YIPF1: variants seen among roughly 807,000 people sequenced by gnomAD.
YIPF1 encodes the protein Yip1 domain family member 1.
Under a neutral mutation model 37.0 loss-of-function variants are expected in YIPF1, and 22 were observed. The ratio of observed to expected loss-of-function variants is 0.59; its 90% CI spans 0.42 to 0.85. The LOEUF (loss-of-function observed/expected upper bound fraction) is 0.85, where lower values mean the gene tolerates loss of function less well. Among genes scored for constraint, YIPF1 ranks in the 40% least tolerant of loss-of-function variants. YIPF1 has a pLI of 0.00. For synonymous variants in YIPF1, 128 were observed against 131.9 expected (o/e 0.97, Z 0.21); for missense variants, 355 against 373.1 (o/e 0.95, Z 0.40).
intron 3 of YIPF1, among the ~76,000 whole-genome samples, chr1:53,885,462 C>T (rs11586129): frequency 0.036 from 5,458 of 152,100 alleles, 158 homozygotes; most frequent in East Asian, 0.12. Context: ...GAGCCGAGAT[C>T]GCACCACTGC....
At chr1:53,856,932 T>C (rs148137637) in intron 10 of YIPF1, among the ~76,000 whole-genome samples, 123 of 152,234 alleles carry the variant, frequency 8.1e-4, no homozygotes, top group Non-Finnish European at 1.6e-3. Flanking sequence ...TAGAAGATGG[T>C]AAAGGTGATG....
intron 9 of YIPF1, among the ~76,000 whole-genome samples, chr1:53,865,255 C>T (rs2100725725): frequency 6.6e-6 from 1 of 152,178 alleles, no homozygotes; most frequent in South Asian, 2.1e-4. Flanking sequence ...AGAAAATCAG[C>T]AAAGACATCC....
intron 9 of YIPF1, among the ~76,000 whole-genome samples, chr1:53,865,405 A>G (rs1395104098): frequency 6.6e-6 from 1 of 152,208 alleles, no homozygotes; most frequent in Admixed American, 6.5e-5. Flanking sequence ...CCAATATGAC[A>G]ATAAAAATAA....
chr1:53,871,597 A>T, intron 6 of YIPF1, 109 bp from the exon 7 acceptor site: 2 of 936,682 alleles, frequency 2.1e-6, no homozygotes, highest in Non-Finnish European at 3.2e-6. Flanking sequence ...AAAGAAAATG[A>T]ATTTTCTAGA....
At chr1:53,867,436 G>A (rs569207568) in intron 7 of YIPF1, among the ~76,000 whole-genome samples, 3 of 144,644 alleles carry the variant, frequency 2.1e-5, no homozygotes, top group East Asian at 2.0e-4. Context: ...GCAGTGGCGC[G>A]ATCTAGGCTC....
At chr1:53,889,020 G>T in intron 2 of YIPF1, 34 bp from the exon 3 acceptor site, 1 of 1,254,218 alleles carries the variant, frequency 8.0e-7, no homozygotes, top group Non-Finnish European at 1.2e-6. Context: ...ATAATAGGAT[G>T]ACAGTATAAA....
chr1:53,884,118 C>A lies in YIPF1; in HGVS notation c.32-842G>T, dbSNP rs1479042962. On this transcript the variant is annotated intron_variant, in intron 3 of 10. Transcript: ENST00000072644. Reference sequence around the variant, plus strand: ...GGCATGGTGGCTCATGTCTATAATTCCAGCACTTTGGGAGGCCAAGGCAAG... The same window carrying A: ...GGCATGGTGGCTCATGTCTATAATTACAGCACTTTGGGAGGCCAAGGCAAG... 4.0e-5 allele frequency among the ~76,000 whole-genome samples: 6 copies of A among 151,620 alleles called. No homozygotes were observed. In the East Asian group the frequency reaches 9.7e-4, roughly 25 times the overall value.
intron 10 of YIPF1, among the ~76,000 whole-genome samples, chr1:53,856,175 CA>C (rs1649713271): frequency 6.6e-6 from 1 of 152,166 alleles, no homozygotes; most frequent in South Asian, 2.1e-4. Flanking sequence ...ACTTGACACC[CA>C]AATGGAGGCT....
At chr1:53,856,789 A>G (rs902068481) in intron 10 of YIPF1, among the ~76,000 whole-genome samples, 14 of 152,190 alleles carry the variant, frequency 9.2e-5, no homozygotes, top group African/African-American at 3.1e-4. Flanking sequence ...ATATATACGT[A>G]TCACAAGTTT....
intron 10 of YIPF1, among the ~76,000 whole-genome samples, chr1:53,855,232 C>T (rs56320848): frequency 0.25 from 37,761 of 151,462 alleles, 5,663 homozygotes; most frequent in Admixed American, 0.37. Flanking sequence ...GATCACACTG[C>T]GATATGATTA....
chr1:53,878,837 C>T (rs1178795050), intron 4 of YIPF1, 115 bp from the exon 5 acceptor site: 3 of 887,520 alleles, frequency 3.4e-6, no homozygotes, highest in Admixed American at 3.5e-5. Context: ...AAACAATAGG[C>T]TCTTCCACAT....
At position 53,861,614 on chromosome 1, in the gene YIPF1, GAGA is replaced by G. The variant is rs368923943; in HGVS notation, c.832-1464_832-1462del. 2.1e-3 allele frequency among the ~76,000 whole-genome samples: 308 copies of G among 143,542 alleles called. 2 individuals carry two copies. Among genetic ancestry groups the G allele is most frequent in the African/African-American group, 7.4e-3 (289 of 38,848 alleles). 94.2% of individuals were successfully genotyped at this position (143,542 alleles called of 152,430 possible). A position where few individuals can be genotyped will look rare whatever the true frequency, so the allele number is the denominator to read the frequency against. On this transcript the variant is annotated intron_variant, in intron 9 of 10. Transcript: ENST00000072644. ...TGGTGGAGAGAGAAGGAAAGAGAGTGAGAAGGAGAGAGAGAAGGCAGGCAGGGA... is the reference window on the plus strand; with the variant it reads ...TGGTGGAGAGAGAAGGAAAGAGAGTGAGGAGAGAGAGAAGGCAGGCAGGGA...
chr1:53,871,103 C>T (rs778476926), intron 7 of YIPF1, among the ~76,000 whole-genome samples: 8 of 149,352 alleles, frequency 5.4e-5, no homozygotes, highest in Non-Finnish European at 1.0e-4. Flanking sequence ...GGACTCATAA[C>T]ATTGTGAATG....
At position 53,878,729 on chromosome 1, in the gene YIPF1, GAAATA is replaced by G; in HGVS notation, c.196-12_196-8del. 3 of 1,590,832 alleles carry G rather than the reference GAAATA, an allele frequency of 1.9e-6. No homozygotes were observed. The highest frequency in any genetic ancestry group is 2.6e-6 in the Non-Finnish European group (3 of 1,174,838). On this transcript the variant is annotated splice_polypyrimidine_tract_variant and splice_region_variant and intron_variant, in intron 4 of 10. Coordinates refer to ENST00000072644, the MANE Select transcript of YIPF1 (RefSeq NM_018982.5). Reference sequence around the variant, plus strand: ...TCTTCTGTCCAGCAAGTAACTGTCAGAAATAAAATAAAACATAATGAACACATAAG... The same window carrying G: ...TCTTCTGTCCAGCAAGTAACTGTCAGAAATAAAACATAATGAACACATAAG...
chr1:53,857,980 CA>C (rs34358598), intron 10 of YIPF1, among the ~76,000 whole-genome samples: 53,258 of 96,992 alleles, frequency 0.55, 11,610 homozygotes, highest in East Asian at 0.69. Flanking sequence ...GACTCCACCT[CA>C]AAAAAAAAAA....
Position 53,883,251 on chromosome 1 carries a change from C to CA in YIPF1, c.56dup (p.Thr20AspfsTer12), listed in dbSNP as rs1452698421. 1 of 1,579,132 alleles carries CA rather than the reference C, an allele frequency of 6.3e-7. No individual in the cohort carries two copies. Among genetic ancestry groups the CA allele is most frequent in the Non-Finnish European group, 8.6e-7 (1 of 1,165,972 alleles). On this transcript the variant is annotated frameshift_variant, in exon 4 of 11. Transcript: ENST00000072644. LOFTEE classifies it high-confidence loss of function. ...CTGTGGTGGCATCTGGGTTTGCTGT[C>CA]AGAGAAGTGGCTGCATTGCCAAATT... is the stretch of plus-strand genomic sequence containing the variant.
At chr1:53,857,255 G>A (rs1287937542) in intron 10 of YIPF1, among the ~76,000 whole-genome samples, 2 of 152,216 alleles carry the variant, frequency 1.3e-5, no homozygotes, top group African/African-American at 4.8e-5. Context: ...CTGAAGTAGA[G>A]GAGCAAGCTA....
chr1:53,852,740 A>C (rs866899738), intron 10 of YIPF1, among the ~76,000 whole-genome samples: 2 of 151,702 alleles, frequency 1.3e-5, no homozygotes, highest in Non-Finnish European at 2.9e-5. Flanking sequence ...AGATTGTGGC[A>C]ATGCAGGGGG....
intron 9 of YIPF1, among the ~76,000 whole-genome samples, chr1:53,863,074 C>CT (rs1205875106): frequency 6.6e-6 from 1 of 152,180 alleles, no homozygotes; most frequent in Non-Finnish European, 1.5e-5. Context: ...AAAGAGAAAA[C>CT]TGAGCCTTCC....
Sources: allele counts gnomAD v4.1 joint callset (sites outside exome capture counted in the v4.1 genomes callset), GRCh38; gene constraint gnomAD v4.1.1; transcripts MANE v1.5; gene names NCBI Gene and HGNC (gene_info 2026-07-23, HGNC 2026-07-21).